The following HPSE2 variants were observed in gnomAD, a reference collection of about 807,000 sequenced individuals.
HPSE2 encodes inactive heparanase-2.
A neutral mutation model predicts 60.5 loss-of-function variants in HPSE2; 38 were observed. The observed-to-expected ratio is 0.63, with a 90% CI of 0.48 to 0.82. The LOEUF (loss-of-function observed/expected upper bound fraction) is 0.82, where lower values mean the gene tolerates loss of function less well. HPSE2 is among the 40% of genes least tolerant of loss of function. The pLI, the probability that HPSE2 is intolerant of heterozygous loss-of-function variation, is 0.00. For missense variants in HPSE2, 713 were observed against 740.4 expected, an observed-to-expected ratio of 0.96 and a Z score of 0.43; for synonymous variants, 295 against 293.2, an observed-to-expected ratio of 1.01 and a Z score of -0.06.
At chr10:98,546,353 C>T (rs1401051376) in intron 9 of HPSE2, among the ~76,000 whole-genome samples, 2 of 139,316 alleles carry the variant, frequency 1.4e-5, no homozygotes, top group African/African-American at 5.0e-5. Context: ...CAAGTCAATC[C>T]TAAGCCAAAA....
chr10:99,269,269 T>C, the HPSE2 span, among the ~76,000 whole-genome samples: 1 of 151,878 alleles, frequency 6.6e-6, no homozygotes, highest in Admixed American at 6.6e-5. Flanking sequence ...AGATATTCCA[T>C]ACAAATGGAC....
chr10:98,632,131 G>A (rs963477919), intron 7 of HPSE2, among the ~76,000 whole-genome samples: 4 of 152,142 alleles, frequency 2.6e-5, no homozygotes, highest in African/African-American at 9.7e-5. Context: ...AGTCAGATGA[G>A]CCTCAGTTTG....
At chr10:98,872,352 G>A (rs889923053) in intron 3 of HPSE2, among the ~76,000 whole-genome samples, 1 of 152,072 alleles carries the variant, frequency 6.6e-6, no homozygotes, top group Non-Finnish European at 1.5e-5. Context: ...TGTTCAACAT[G>A]AGATATATAA....
chr10:98,944,094 AG>A lies in HPSE2; in HGVS notation c.611-200039del, dbSNP rs1455243537. Among the ~76,000 whole-genome samples, 31 of 152,230 alleles carry A rather than the reference AG, an allele frequency of 2.0e-4. 1 individual carries two copies. Among genetic ancestry groups the A allele is most frequent in the Admixed American group, 1.1e-3 (17 of 15,286 alleles). ...CCAGAGAGGGAGCAGCTAGAGGTACAGGGAAGATGCTGATGGGCCAAATAGT... is the reference window on the plus strand; with the variant it reads ...CCAGAGAGGGAGCAGCTAGAGGTACAGGAAGATGCTGATGGGCCAAATAGT... On this transcript the variant is annotated intron_variant, in intron 3 of 11. Coordinates refer to ENST00000370552, the MANE Select transcript of HPSE2 (RefSeq NM_021828.5).
the HPSE2 span, among the ~76,000 whole-genome samples, chr10:99,289,356 T>A: frequency 6.8e-4 from 2 of 2,946 alleles, no homozygotes; most frequent in Non-Finnish European, 1.4e-3. Context: ...ACATCATCTG[T>A]TTTTTTTTTG....
intron 3 of HPSE2, among the ~76,000 whole-genome samples, chr10:98,993,924 T>A (rs1379083735): frequency 1.3e-5 from 2 of 152,242 alleles, no homozygotes; most frequent in African/African-American, 4.8e-5. Flanking sequence ...AAACAGAGTT[T>A]TCCAGAGATT....
At chr10:98,473,342 A>T (rs1357268488) in intron 11 of HPSE2, among the ~76,000 whole-genome samples, 1 of 151,916 alleles carries the variant, frequency 6.6e-6, no homozygotes, top group Non-Finnish European at 1.5e-5. Context: ...AAAATTAGCC[A>T]GTTTTGGTGA....
the HPSE2 span, among the ~76,000 whole-genome samples, chr10:99,296,075 TG>T: frequency 6.6e-6 from 1 of 152,194 alleles, no homozygotes; most frequent in East Asian, 1.9e-4. Context: ...ACTTTCTATT[TG>T]GGGGAACTTC....
intron 3 of HPSE2, among the ~76,000 whole-genome samples, chr10:98,987,420 G>C (rs1451766404): frequency 6.6e-6 from 1 of 152,166 alleles, no homozygotes; most frequent in African/African-American, 2.4e-5. Flanking sequence ...AATAGATGCA[G>C]AAAAGGCCTT....
chr10:98,655,784 T>C (rs2134071727), intron 6 of HPSE2, among the ~76,000 whole-genome samples: 1 of 126,484 alleles, frequency 7.9e-6, no homozygotes. Flanking sequence ...ATCAATTACT[T>C]TGGTCTGCCA....
At chr10:98,650,139 T>C (rs1465064845) in intron 6 of HPSE2, among the ~76,000 whole-genome samples, 1 of 152,204 alleles carries the variant, frequency 6.6e-6, no homozygotes, top group Non-Finnish European at 1.5e-5. Flanking sequence ...TGTAGGTGTT[T>C]TTCACTTTTG....
At chr10:98,889,350 T>C (rs1953266321) in intron 3 of HPSE2, among the ~76,000 whole-genome samples, 1 of 149,444 alleles carries the variant, frequency 6.7e-6, no homozygotes, top group African/African-American at 2.4e-5. Flanking sequence ...GCCTGGCTTT[T>C]CTCTCTCTCT....
At chr10:99,297,037 T>C in the HPSE2 span, among the ~76,000 whole-genome samples, 1 of 152,312 alleles carries the variant, frequency 6.6e-6, no homozygotes, top group African/African-American at 2.4e-5. Flanking sequence ...AGGGCTCTTT[T>C]CAGAGCTACA....
rs534192510 is a variant in HPSE2, at chr10:98,609,838, T to C, written c.1320+5066A>G. On this transcript the variant is annotated intron_variant, in intron 9 of 11. Transcript: ENST00000370552. ...AATTAGGTGGTGTTCTTCTTCTTCT[T>C]CTTTTTTTTTTTTTTTTTTTTGAGA... Among the ~76,000 whole-genome samples, 104 of 140,962 alleles carry C rather than the reference T, an allele frequency of 7.4e-4. 2 individuals are homozygous for C. In the South Asian group the frequency reaches 0.022, roughly 30 times the overall value. The allele number at this position is 140,962 out of a possible 152,430, so 92.5% of individuals were successfully genotyped here.
intron 9 of HPSE2, among the ~76,000 whole-genome samples, chr10:98,533,974 T>C (rs1353807668): frequency 1.3e-5 from 2 of 152,176 alleles, no homozygotes; most frequent in African/African-American, 4.8e-5. Context: ...ATCCAACAAC[T>C]GTGCTTGTTG....
chr10:98,994,194 G>T (rs924595170), intron 3 of HPSE2, among the ~76,000 whole-genome samples: 5 of 152,200 alleles, frequency 3.3e-5, no homozygotes, highest in Non-Finnish European at 7.3e-5. Context: ...CCAGCTGTGG[G>T]CTTATAACCA....
At chr10:99,276,269 T>G in the HPSE2 span, among the ~76,000 whole-genome samples, 2 of 152,244 alleles carry the variant, frequency 1.3e-5, no homozygotes, top group Non-Finnish European at 2.9e-5. Flanking sequence ...ATACATTTTC[T>G]CTACTAATGC....
intron 2 of HPSE2, among the ~76,000 whole-genome samples, chr10:99,176,900 C>T (rs2133817758): frequency 6.6e-6 from 1 of 151,966 alleles, no homozygotes; most frequent in African/African-American, 2.4e-5. Context: ...AAAGGGAAGC[C>T]CATCAGACTA....
At chr10:99,113,823 T>C (rs1016586432) in intron 3 of HPSE2, among the ~76,000 whole-genome samples, 1 of 152,110 alleles carries the variant, frequency 6.6e-6, no homozygotes, top group African/African-American at 2.4e-5. Context: ...TACTGTGTAT[T>C]AGTGAAGTAA....
Sources: gnomAD v4.1 joint callset for allele counts (sites outside exome capture counted in the v4.1 genomes callset) on GRCh38, gnomAD v4.1.1 for gene constraint, MANE v1.5 for transcripts, NCBI Gene and HGNC (gene_info 2026-07-23, HGNC 2026-07-21) for gene names.